TOMM5: variants seen among roughly 807,000 people sequenced by gnomAD.
The protein encoded by TOMM5 is mitochondrial import receptor subunit TOM5 homolog.
TOMM5 carries 1 observed loss-of-function variant against 4.8 expected under a neutral mutation model. That is an observed-to-expected ratio of 0.21 (90% CI 0.07 to 0.99). The LOEUF is 0.99. TOMM5 is among the 50% of genes least tolerant of loss of function. The pLI, the probability that TOMM5 is intolerant of heterozygous loss-of-function variation, is 0.60. For missense variants in TOMM5, 60 were observed against 66.6 expected (o/e 0.90, Z 0.35); for synonymous variants, 26 against 26.7 (o/e 0.97, Z 0.08).
rs547524927 is a variant in TOMM5 at position 37,590,526 on chromosome 9, AG to A, written c.122-1595del. 1.1e-4 allele frequency among the ~76,000 whole-genome samples: 17 copies of A among 152,312 alleles called. No individual in the cohort carries two copies. In the East Asian group the frequency reaches 3.3e-3, roughly 29 times the overall value. On this transcript the variant is annotated intron_variant, in intron 1 of 1. Transcript: ENST00000321301. ...AATGAATTCGTATGGTGTTTCTTCT[AG>A]GGGGAAAGAAAATACTGTCAAATTG...
At chr9:37,591,164 T>C (rs1316726829) in intron 1 of TOMM5, among the ~76,000 whole-genome samples, 1 of 152,190 alleles carries the variant, frequency 6.6e-6, no homozygotes, top group African/African-American at 2.4e-5. Context: ...TAAAATGATA[T>C]AAAGAATCTT....
Position 37,592,542 on chromosome 9 carries a change from G to T in TOMM5, c.-10C>A. On this transcript the variant is annotated 5_prime_UTR_variant, in exon 1 of 2. Coordinates refer to ENST00000321301, the MANE Select transcript of TOMM5 (RefSeq NM_001001790.3). ...CCTCAATCCGGAACATCGCGGCTCT[G>T]ACTTAGCAGCTTCCAGCCGCCGCGC... The T allele has an allele frequency of 6.2e-7, 1 of 1,609,192 alleles. No homozygotes were observed. Among genetic ancestry groups the T allele is most frequent in the South Asian group, 1.1e-5 (1 of 90,910 alleles).
intron 1 of TOMM5, among the ~76,000 whole-genome samples, chr9:37,591,561 G>A (rs1341108827): frequency 5.3e-5 from 8 of 151,838 alleles, no homozygotes; most frequent in African/African-American, 1.7e-4. Flanking sequence ...GCGTGGTGGC[G>A]CGCGCCTGTA....
intron 1 of TOMM5, among the ~76,000 whole-genome samples, chr9:37,589,663 A>T (rs528812740): frequency 6.6e-6 from 1 of 152,178 alleles, no homozygotes; most frequent in Admixed American, 6.5e-5. Context: ...TTGGGACTAT[A>T]GGCACATGCC....
chr9:37,592,363 T>A, intron 1 of TOMM5, 49 bp downstream of exon 1: 1 of 1,612,694 alleles, frequency 6.2e-7, no homozygotes, highest in Non-Finnish European at 8.5e-7. Context: ...GGGGTGCCCG[T>A]CGGTGAGCTC....
intron 1 of TOMM5, among the ~76,000 whole-genome samples, chr9:37,591,072 C>A (rs1234380483): frequency 1.3e-5 from 2 of 152,180 alleles, no homozygotes; most frequent in Non-Finnish European, 2.9e-5. Context: ...AAAGCTGCTT[C>A]CAGTTCTTAT....
rs202059576 is a variant in TOMM5 at position 37,592,512 on chromosome 9, G to T, written c.21C>A (p.Leu7=). Residue 7 remains leucine (L), a synonymous_variant, in exon 1 of 2, where the codon CTC becomes CTA. Transcript: ENST00000321301. ...TCTCCTCCGGGTCCAGCTTCGGCGC[G>T]AGGCCCTCAATCCGGAACATCGCGG... The part of the protein sequence containing the change: MFRIEG[L]APKLDPEEMK... The T allele has an allele frequency of 6.2e-7, 1 of 1,613,598 alleles. No homozygotes were observed. The highest frequency in any genetic ancestry group is 1.1e-5 in the South Asian group (1 of 91,058).
chr9:37,592,128 G>A (rs949912120), intron 1 of TOMM5: 3 of 1,215,066 alleles, frequency 2.5e-6, no homozygotes, highest in African/African-American at 3.0e-5. Flanking sequence ...GTGCTGGGTG[G>A]GATTACAGGT....
In TOMM5 at chr9:37,592,352, A is replaced by T. The variant is rs1463580655; in HGVS notation, c.121+60T>A. On this transcript the variant is annotated intron_variant, in intron 1 of 1. Transcript: ENST00000321301. Reference sequence around the variant, plus strand: ...AGGCCCCGATGACCCCTTAGAGTTAAGGGGTGCCCGTCGGTGAGCTCCCCG... The same window carrying T: ...AGGCCCCGATGACCCCTTAGAGTTATGGGGTGCCCGTCGGTGAGCTCCCCG... 6 of 1,610,982 alleles carry T rather than the reference A, an allele frequency of 3.7e-6. No individual in the cohort carries two copies. The Middle Eastern group carries it at 8.3e-4, about 222-fold the overall frequency.
chr9:37,592,299 C>G (rs1209383581), intron 1 of TOMM5, 113 bp downstream of exon 1: 1 of 1,568,450 alleles, frequency 6.4e-7, no homozygotes, highest in African/African-American at 1.4e-5. Flanking sequence ...ACCCTCCTTG[C>G]TCCCCGCTAC....
chr9:37,590,451 A>C (rs1399488709), intron 1 of TOMM5, among the ~76,000 whole-genome samples: 2 of 152,156 alleles, frequency 1.3e-5, no homozygotes, highest in East Asian at 1.9e-4. Context: ...ATAGAGAAAA[A>C]GTAGATTAGT....
Position 37,592,242 on chromosome 9 carries a change from GA to G in TOMM5, c.121+169del, listed in dbSNP as rs752142957. 35 of 1,542,748 alleles carry G rather than the reference GA, an allele frequency of 2.3e-5. No individual in the cohort carries two copies. In the East Asian group the frequency reaches 2.5e-4, roughly 11 times the overall value. On this transcript the variant is annotated intron_variant, in intron 1 of 1. Transcript: ENST00000321301. Reference sequence around the variant, plus strand: ...ACGTGCACTTCAGTGCCCGGACCCTGACCCGCAGACCTCAAACCGCGCATAT... The same window carrying G: ...ACGTGCACTTCAGTGCCCGGACCCTGCCCGCAGACCTCAAACCGCGCATAT...
chr9:37,588,820 G>A lies in TOMM5; in HGVS notation c.*78C>T. 7.2e-7 allele frequency: 1 copy of A among 1,388,252 alleles called. No homozygotes were observed. Among genetic ancestry groups the A allele is most frequent in the Non-Finnish European group, 1.0e-6 (1 of 974,620 alleles). 86.0% of individuals were successfully genotyped at this position (1,388,252 alleles called of 1,614,324 possible). ...TCAAAGAGTCTCTTACACCTTTCTG[G>A]GCCTATTCACTTGCAGAGAGGAGTC... On this transcript the variant is annotated 3_prime_UTR_variant, in exon 2 of 2. Transcript: ENST00000321301.
intron 1 of TOMM5, 145 bp downstream of exon 1, chr9:37,592,267 A>C: frequency 1.3e-6 from 2 of 1,550,794 alleles, no homozygotes; most frequent in Non-Finnish European, 1.7e-6. Flanking sequence ...AACCGCGCAT[A>C]TGCCCGTCGC....
chr9:37,592,075 G>C (rs1008813009), intron 1 of TOMM5, among the ~76,000 whole-genome samples: 2 of 151,916 alleles, frequency 1.3e-5, no homozygotes, highest in Non-Finnish European at 2.9e-5. Context: ...CCGCCACCAC[G>C]AACTCCTGAC....
In TOMM5 at chr9:37,592,244, C is replaced by G. The variant is rs773338945; in HGVS notation, c.121+168G>C. 9 of 1,543,206 alleles carry G rather than the reference C, an allele frequency of 5.8e-6. No homozygotes were observed. In the Admixed American group the frequency reaches 5.9e-5, roughly 10 times the overall value. ...GTGCACTTCAGTGCCCGGACCCTGACCCGCAGACCTCAAACCGCGCATATG... is the reference window on the plus strand; with the variant it reads ...GTGCACTTCAGTGCCCGGACCCTGAGCCGCAGACCTCAAACCGCGCATATG... On this transcript the variant is annotated intron_variant, in intron 1 of 1. Transcript: ENST00000321301.
chr9:37,592,587 G>C lies in TOMM5; in HGVS notation c.-55C>G. Reference sequence around the variant, plus strand: ...CCGCGCTCTGCTCTCCACGGTGGCCGCCTCGCGCCCGGAACTCGGCCTATC... The same window carrying C: ...CCGCGCTCTGCTCTCCACGGTGGCCCCCTCGCGCCCGGAACTCGGCCTATC... On this transcript the variant is annotated 5_prime_UTR_variant, in exon 1 of 2. Transcript: ENST00000321301. The C allele has an allele frequency of 1.3e-6, 2 of 1,579,174 alleles. No homozygotes were observed. Among genetic ancestry groups the C allele is most frequent in the East Asian group, 4.5e-5 (2 of 44,238 alleles).
chr9:37,589,794 T>C (rs1291401170), intron 1 of TOMM5, among the ~76,000 whole-genome samples: 1 of 152,130 alleles, frequency 6.6e-6, no homozygotes. Context: ...AGTGCTGGAA[T>C]TACAGGCATG....
At chr9:37,590,056 A>G (rs574228458) in intron 1 of TOMM5, among the ~76,000 whole-genome samples, 1 of 152,360 alleles carries the variant, frequency 6.6e-6, no homozygotes, top group South Asian at 2.1e-4. Flanking sequence ...AAGTGAAATA[A>G]GCCAGACACA....
Sources: allele counts gnomAD v4.1 joint callset (sites outside exome capture counted in the v4.1 genomes callset), GRCh38; gene constraint gnomAD v4.1.1; transcripts MANE v1.5; gene names NCBI Gene and HGNC (gene_info 2026-07-23, HGNC 2026-07-21).